ATP11B: variants seen among roughly 807,000 people sequenced by gnomAD.
The protein encoded by ATP11B is phospholipid-transporting ATPase IF.
In ATP11B, 81 loss-of-function variants were observed where a neutral mutation model predicts 157.8. The observed-to-expected ratio is 0.51, with a 90% CI of 0.43 to 0.62. ATP11B has a LOEUF of 0.62. Ranked by LOEUF, ATP11B falls within the 20% of genes least tolerant of loss-of-function variation. ATP11B has a pLI of 0.00. For missense variants in ATP11B, 1,165 were observed against 1,402.2 expected (o/e 0.83, Z 2.70); for synonymous variants, 451 against 469.4 (o/e 0.96, Z 0.51).
intron 19 of ATP11B, among the ~76,000 whole-genome samples, chr3:182,877,583 G>A (rs1172216622): frequency 1.3e-5 from 2 of 152,104 alleles, no homozygotes; most frequent in African/African-American, 4.8e-5. Flanking sequence ...TTAAGGCTGT[G>A]GTGAGTTGTG....
chr3:182,812,495 T>C lies in ATP11B; in HGVS notation c.28-7765T>C, dbSNP rs919729670. 4.1e-4 allele frequency among the ~76,000 whole-genome samples: 63 copies of C among 152,230 alleles called. 1 individual carries two copies. The highest frequency in any genetic ancestry group is 1.4e-3 in the African/African-American group (59 of 41,466). On this transcript the variant is annotated intron_variant, in intron 1 of 29. Transcript: ENST00000323116. The stretch of plus-strand genomic sequence containing the variant: ...CCTTGCTTATAGAAACCTTAAATTC[T>C]CCCTTACTAAAACCTGTGATCTTTA...
chr3:182,885,246 A>G (rs1722721838), intron 22 of ATP11B, among the ~76,000 whole-genome samples: 1 of 152,138 alleles, frequency 6.6e-6, no homozygotes, highest in Non-Finnish European at 1.5e-5. Flanking sequence ...GCTCCTCAAT[A>G]TGGAGCTTTT....
chr3:182,873,694 T>C, intron 18 of ATP11B, 118 bp from the exon 19 acceptor site: 1 of 815,566 alleles, frequency 1.2e-6, no homozygotes, highest in Non-Finnish European at 1.9e-6. Flanking sequence ...TATTGTATAA[T>C]AACATTCCTA....
chr3:182,860,256 C>G (rs1041152448), intron 12 of ATP11B, among the ~76,000 whole-genome samples: 4 of 152,168 alleles, frequency 2.6e-5, no homozygotes, highest in Admixed American at 1.3e-4. Context: ...TCTTTTCACA[C>G]TTGATTAATA....
At position 182,872,302 on chromosome 3, in the gene ATP11B, CTGTT is replaced by C. The variant is rs1027395409; in HGVS notation, c.1867-49_1867-46del. The C allele has an allele frequency of 1.7e-4, 221 of 1,295,238 alleles. 2 individuals carry two copies. The African/African-American group carries it at 2.9e-3, about 17-fold the overall frequency. 80.2% of individuals were successfully genotyped at this position (1,295,238 alleles called of 1,614,324 possible). Reference sequence around the variant, plus strand: ...ATTTTGATAGTGACTTCTTGATTTTCTGTTTGTTGTTTGTGTTCAATTTTTGTCT... The same window carrying C: ...ATTTTGATAGTGACTTCTTGATTTTCTGTTGTTTGTGTTCAATTTTTGTCT... On this transcript the variant is annotated intron_variant, in intron 17 of 29. Transcript: ENST00000323116.
intron 19 of ATP11B, among the ~76,000 whole-genome samples, chr3:182,878,607 C>T (rs1403112670): frequency 1.3e-5 from 2 of 152,172 alleles, no homozygotes; most frequent in Admixed American, 6.5e-5. Context: ...AAATAGTTTG[C>T]CCACTTTCCA....
rs1207382207 is a variant in ATP11B, at chr3:182,820,259, G to A, written c.28-1G>A. On this transcript the variant is annotated splice_acceptor_variant, in intron 1 of 29. Coordinates refer to ENST00000323116, the MANE Select transcript of ATP11B (RefSeq NM_014616.3). LOFTEE classifies it high-confidence loss of function. ...TTTTTCTCTTGCTTGATTGGTCTTA[G>A]GGTTTTGACCCACCACATCAGAGTG... 1 of 1,606,088 alleles carries A rather than the reference G, an allele frequency of 6.2e-7. No homozygotes were observed. The highest frequency in any genetic ancestry group is 8.5e-7 in the Non-Finnish European group (1 of 1,172,866).
At chr3:182,843,800 C>G (rs545306157) in intron 8 of ATP11B, 18 of 152,222 alleles carry the variant, frequency 1.2e-4, no homozygotes, top group African/African-American at 3.9e-4. Context: ...GTCACTATAA[C>G]AGAAAGAGTT....
At chr3:182,794,775 C>G (rs1343945620) in intron 1 of ATP11B, among the ~76,000 whole-genome samples, 2 of 152,220 alleles carry the variant, frequency 1.3e-5, no homozygotes, top group African/African-American at 4.8e-5. Flanking sequence ...AGAAGCCTAA[C>G]CTTATCTGTG....
chr3:182,917,012 A>T, intron 29 of ATP11B: 1 of 985,310 alleles, frequency 1.0e-6, no homozygotes, highest in Non-Finnish European at 1.2e-6. Context: ...GACAGTAGTG[A>T]ACAAGTCCTT....
chr3:182,793,953 C>T (rs945121302), intron 1 of ATP11B, among the ~76,000 whole-genome samples, 167 bp downstream of exon 1: 9 of 151,992 alleles, frequency 5.9e-5, no homozygotes, highest in African/African-American at 1.9e-4. Flanking sequence ...AAGCCCCGTG[C>T]GGCTCCCGGG....
chr3:182,900,905 G>C (rs1414381531), intron 28 of ATP11B, among the ~76,000 whole-genome samples: 1 of 152,084 alleles, frequency 6.6e-6, no homozygotes, highest in Non-Finnish European at 1.5e-5. Flanking sequence ...AAATAGGCCA[G>C]GCATGGTGGC....
rs202223038 is a variant in ATP11B at position 182,865,463 on chromosome 3, A to G, written c.1208A>G (p.Tyr403Cys). Residue 403 changes from tyrosine to cysteine, a missense_variant, in exon 13 of 30, where the codon TAC becomes TGC. Coordinates refer to ENST00000323116, the MANE Select transcript of ATP11B (RefSeq NM_014616.3). ...DLNEELGQVEYVFTDKTGTLT... is the reference protein window; with the variant it reads ...DLNEELGQVECVFTDKTGTLT... ...TGTTTTCTATCTCTATAGGTAGAGT[A>G]CGTGTTTACAGATAAAACTGGTACA... 3.1e-6 allele frequency: 5 copies of G among 1,613,434 alleles called. No homozygotes were observed. The highest frequency in any genetic ancestry group is 4.2e-6 in the Non-Finnish European group (5 of 1,179,546).
Position 182,848,541 on chromosome 3 carries a change from C to A in ATP11B, c.835C>A (p.Arg279=). 2 of 1,555,710 alleles carry A rather than the reference C, an allele frequency of 1.3e-6. No individual in the cohort carries two copies. The highest frequency in any genetic ancestry group is 1.4e-5 in the African/African-American group (1 of 73,176). ...ALNYKSKSQK[R]SAVEKSMNTF... is the part of the protein sequence containing the mutation. ...AAATTACAAGAGCAAATCACAGAAA[C>A]GATCTGCAGTAGAAAAGTAAGAAAA... The change falls in exon 10 of 30, where the codon CGA becomes AGA. Residue 279 remains arginine, a synonymous_variant. Coordinates refer to ENST00000323116, the MANE Select transcript of ATP11B (RefSeq NM_014616.3).
chr3:182,836,604 T>C, intron 6 of ATP11B, 134 bp downstream of exon 6: 2 of 1,060,202 alleles, frequency 1.9e-6, no homozygotes, highest in Non-Finnish European at 2.7e-6. Flanking sequence ...ATTTCAAAAA[T>C]AAAAAGGTTT....
intron 10 of ATP11B, among the ~76,000 whole-genome samples, chr3:182,854,952 T>G (rs1485943402): frequency 6.6e-6 from 1 of 152,174 alleles, no homozygotes; most frequent in African/African-American, 2.4e-5. Flanking sequence ...ATATATCATG[T>G]TCATGGGTTG....
chr3:182,820,002 A>C lies in ATP11B; in HGVS notation c.28-258A>C, dbSNP rs963872533. Among the ~76,000 whole-genome samples, 31 of 152,242 alleles carry C rather than the reference A, an allele frequency of 2.0e-4. No homozygotes were observed. The South Asian group carries it at 6.0e-3, about 30-fold the overall frequency. On this transcript the variant is annotated intron_variant, in intron 1 of 29. Coordinates refer to ENST00000323116, the MANE Select transcript of ATP11B (RefSeq NM_014616.3). ...AAAGGCATTACCTAGTTAAGTTTCTATCTGGAGATAATGTACCTGTTTACC... is the reference window on the plus strand; with the variant it reads ...AAAGGCATTACCTAGTTAAGTTTCTCTCTGGAGATAATGTACCTGTTTACC...
intron 19 of ATP11B, among the ~76,000 whole-genome samples, chr3:182,878,495 A>T (rs1722200289): frequency 6.6e-6 from 1 of 152,230 alleles, no homozygotes; most frequent in Non-Finnish European, 1.5e-5. Flanking sequence ...AAGTATTATT[A>T]CCAAAGGAGA....
At position 182,873,815 on chromosome 3, in the gene ATP11B, A is replaced by G. The variant is rs766359510; in HGVS notation, c.2052A>G (p.Leu684=). The G allele has an allele frequency of 3.1e-6, 5 of 1,613,574 alleles. No homozygotes were observed. Among genetic ancestry groups the G allele is most frequent in the Middle Eastern group, 1.6e-4 (1 of 6,062 alleles). The change falls in exon 19 of 30, where the codon CTA becomes CTG. Residue 684 remains leucine, a synonymous_variant. Transcript: ENST00000323116. ...LLGATAVEDR[L]QDKVRETIEA... ...AATTTGTTTCTGTTCTTTTCAGACT[A>G]CAAGATAAAGTTCGAGAAACTATTG...
Sources: allele counts gnomAD v4.1 joint callset (sites outside exome capture counted in the v4.1 genomes callset), GRCh38; gene constraint gnomAD v4.1.1; transcripts MANE v1.5; gene names NCBI Gene and HGNC (gene_info 2026-07-23, HGNC 2026-07-21).